Variants in NRIP1 observed in about 807,000 individuals in gnomAD.
NRIP1 encodes the protein nuclear receptor interacting protein 1, also known as nuclear receptor-interacting protein 1.
In NRIP1, 28 loss-of-function variants were observed where a neutral mutation model predicts 75.0. The observed-to-expected ratio is 0.37, with a 90% confidence interval of 0.28 to 0.51. NRIP1 has a LOEUF of 0.51. Among genes scored for constraint, NRIP1 ranks in the 20% least tolerant of loss-of-function variants. The pLI, the probability that NRIP1 is intolerant of heterozygous loss-of-function variation, is 0.92. For synonymous variants in NRIP1, 526 were observed against 487.6 expected, an observed-to-expected ratio of 1.08 and a Z score of -1.04; for missense variants, 1,435 against 1,343.7, an observed-to-expected ratio of 1.07 and a Z score of -1.06.
chr21:15,065,502 G>A (rs1978811185), upstream of NRIP1, among the ~76,000 whole-genome samples: 1 of 152,026 alleles, frequency 6.6e-6, no homozygotes, highest in African/African-American at 2.4e-5. Context: ...GTCCCCGCCT[G>A]CCTTAAGCGT....
chr21:14,989,425 T>C (rs753327918), intron 3 of NRIP1, among the ~76,000 whole-genome samples: 7 of 152,222 alleles, frequency 4.6e-5, no homozygotes, highest in Admixed American at 2.0e-4. Context: ...AACTAAAGTA[T>C]GCCAATTATC....
intron 2 of NRIP1, among the ~76,000 whole-genome samples, chr21:15,039,012 A>T (rs1318955183): frequency 6.6e-6 from 1 of 152,160 alleles, no homozygotes; most frequent in Non-Finnish European, 1.5e-5. Flanking sequence ...AAAGGTGTTA[A>T]GTGCTTGGAA....
At chr21:15,061,071 G>C (rs2089413114) in intron 1 of NRIP1, among the ~76,000 whole-genome samples, 1 of 152,090 alleles carries the variant, frequency 6.6e-6, no homozygotes. Flanking sequence ...TACAACTTAA[G>C]GAAATGCAAC....
chr21:14,989,249 C>T (rs1321157636), intron 3 of NRIP1, among the ~76,000 whole-genome samples: 1 of 152,172 alleles, frequency 6.6e-6, no homozygotes, highest in Admixed American at 6.5e-5. Flanking sequence ...CAAAGAGCAA[C>T]ATGTGGCTCT....
In NRIP1 at chr21:14,967,827, A is replaced by T. The variant is rs761449149; in HGVS notation, c.366T>A (p.Ser122Arg). The change falls in exon 4 of 4, where the codon AGT becomes AGA. Residue 122 changes from serine to arginine, a missense_variant. By Grantham distance (110) the Ser-to-Arg change is moderately radical. Coordinates refer to ENST00000318948, the MANE Select transcript of NRIP1 (RefSeq NM_003489.4). Reference protein sequence around the residue: ...KEALLAGMVDSVPKGKQDSTL... With the variant: ...KEALLAGMVDRVPKGKQDSTL... ...TGCTATCCTGTTTGCCTTTAGGCAC[A>T]CTGTCAACCATGCCAGCTAGCAAAG... is the stretch of plus-strand genomic sequence containing the variant. The T allele has an allele frequency of 3.7e-6, 6 of 1,613,922 alleles. No individual in the cohort carries two copies. The highest frequency in any genetic ancestry group is 1.7e-6 in the Non-Finnish European group (2 of 1,180,004).
rs146567875 is a variant in NRIP1 at position 15,024,483 on chromosome 21, A to G, written c.-457-10017T>C. The stretch of plus-strand genomic sequence containing the variant: ...CTTGAACCCAGGAGGCGGAGGTTGC[A>G]GTGAGCTGAGAACGCATCACTGCAC... On this transcript the variant is annotated intron_variant, in intron 2 of 3. Coordinates refer to ENST00000318948, the MANE Select transcript of NRIP1 (RefSeq NM_003489.4). Among the ~76,000 whole-genome samples, 592 of 152,240 alleles carry G rather than the reference A, an allele frequency of 3.9e-3. 3 individuals are homozygous for G. Among genetic ancestry groups the G allele is most frequent in the African/African-American group, 0.014 (568 of 41,536 alleles).
intron 3 of NRIP1, chr21:14,974,240 C>T (rs1017873251): frequency 2.0e-5 from 3 of 151,972 alleles, no homozygotes; most frequent in Admixed American, 6.6e-5. Flanking sequence ...AAGGACAAGG[C>T]GCTTTGAAAC....
At chr21:14,990,195 C>T (rs1226740943) in intron 3 of NRIP1, among the ~76,000 whole-genome samples, 5 of 152,192 alleles carry the variant, frequency 3.3e-5, no homozygotes, top group Non-Finnish European at 5.9e-5. Context: ...CAACAATTCT[C>T]TCTTCCTGCC....
chr21:15,000,378 T>A (rs1308081348), intron 3 of NRIP1, among the ~76,000 whole-genome samples: 2 of 152,124 alleles, frequency 1.3e-5, no homozygotes, highest in Non-Finnish European at 2.9e-5. Context: ...AGTTATTATA[T>A]GCCAGGTACA....
chr21:15,014,439 C>G lies in NRIP1; in HGVS notation c.-430G>C. On this transcript the variant is annotated 5_prime_UTR_variant, in exon 3 of 4. Transcript: ENST00000318948. ...TGATGTCATCCGGAGTCTTCAGATT[C>G]CCTGTCCTCCTTCAGTCAAGTGTGC... The G allele has an allele frequency of 2.5e-6, 1 of 398,412 alleles. No individual in the cohort carries two copies. The highest frequency in any genetic ancestry group is 4.4e-6 in the Non-Finnish European group (1 of 225,932). 24.7% of individuals were successfully genotyped at this position (398,412 alleles called of 1,614,324 possible).
chr21:15,010,745 G>A (rs1338499197), intron 3 of NRIP1, among the ~76,000 whole-genome samples: 1 of 152,198 alleles, frequency 6.6e-6, no homozygotes, highest in Non-Finnish European at 1.5e-5. Context: ...CTCGAACAAG[G>A]ATGTCAGTAA....
chr21:15,002,400 AG>A (rs1435940581), intron 3 of NRIP1: 1 of 152,248 alleles, frequency 6.6e-6, no homozygotes, highest in African/African-American at 2.4e-5. Flanking sequence ...ACAAGGGCAC[AG>A]GATTAAACCT....
intron 1 of NRIP1, among the ~76,000 whole-genome samples, chr21:15,044,443 G>A (rs934896759): frequency 1.3e-5 from 2 of 151,794 alleles, no homozygotes; most frequent in East Asian, 3.9e-4. Context: ...TGTGGTGGCT[G>A]AGGAAACTTT....
intron 3 of NRIP1, among the ~76,000 whole-genome samples, chr21:15,012,702 T>C (rs1049929022): frequency 4.6e-5 from 7 of 152,040 alleles, no homozygotes; most frequent in Non-Finnish European, 1.0e-4. Context: ...CTGCCCACCT[T>C]GGCCTCCCAA....
At chr21:14,994,851 T>C (rs1281155412) in intron 3 of NRIP1, among the ~76,000 whole-genome samples, 1 of 152,170 alleles carries the variant, frequency 6.6e-6, no homozygotes, top group Non-Finnish European at 1.5e-5. Context: ...GCACTTAACA[T>C]TGTGTCTGCT....
intron 1 of NRIP1, among the ~76,000 whole-genome samples, chr21:15,055,633 C>T (rs912418764): frequency 3.9e-5 from 6 of 152,126 alleles, no homozygotes; most frequent in African/African-American, 1.4e-4. Flanking sequence ...CTGCGGGATC[C>T]ATCACCAAAG....
chr21:15,035,991 G>C (rs1476079064), intron 2 of NRIP1, among the ~76,000 whole-genome samples: 2 of 152,100 alleles, frequency 1.3e-5, no homozygotes, highest in South Asian at 2.1e-4. Context: ...CTCAGTAGAG[G>C]AGTATCACTA....
intron 2 of NRIP1, among the ~76,000 whole-genome samples, chr21:15,027,231 C>T (rs932537907): frequency 2.0e-5 from 3 of 152,124 alleles, no homozygotes; most frequent in South Asian, 2.1e-4. Context: ...AGCAACATAT[C>T]GACAGATTCA....
intron 2 of NRIP1, among the ~76,000 whole-genome samples, chr21:15,024,413 T>G (rs545543572): frequency 7.5e-4 from 114 of 151,652 alleles, no homozygotes; most frequent in Middle Eastern, 3.4e-3. Flanking sequence ...GTGGTGGCAG[T>G]CACCTGTAAT....
Sources: gnomAD v4.1 joint callset for allele counts (sites outside exome capture counted in the v4.1 genomes callset) on GRCh38, gnomAD v4.1.1 for gene constraint, MANE v1.5 for transcripts, NCBI Gene and HGNC (gene_info 2026-07-23, HGNC 2026-07-21) for gene names.